Variants in LINGO1 observed in about 807,000 individuals in gnomAD.
LINGO1 encodes the protein leucine-rich repeat and immunoglobulin-like domain-containing nogo receptor-interacting protein 1.
LINGO1 carries 11 observed loss-of-function variants against 37.3 expected under a neutral mutation model. The ratio of observed to expected loss-of-function variants is 0.29; its 90% CI spans 0.19 to 0.49. The LOEUF is 0.49. Ranked by LOEUF, LINGO1 falls within the 20% of genes least tolerant of loss-of-function variation. The probability of loss-of-function intolerance (pLI) is 0.99; values close to 1 mark genes in which losing one functional copy is unlikely to be tolerated. For synonymous variants in LINGO1, 387 were observed against 403.0 expected, an observed-to-expected ratio of 0.96 and a Z score of 0.48; for missense variants, 585 against 878.2, an observed-to-expected ratio of 0.67 and a Z score of 4.22.
intron 2 of LINGO1, among the ~76,000 whole-genome samples, chr15:77,717,683 G>A (rs1035530126): frequency 8.6e-5 from 13 of 150,838 alleles, no homozygotes; most frequent in African/African-American, 3.1e-4. Flanking sequence ...AGACAGCCTC[G>A]GGAGCCTGGG....
chr15:77,755,084 G>A (rs913507830), intron 1 of LINGO1, among the ~76,000 whole-genome samples: 1 of 152,194 alleles, frequency 6.6e-6, no homozygotes, highest in African/African-American at 2.4e-5. Context: ...CTCCCTTGAG[G>A]CCAAGGCCCT....
At chr15:77,645,004 T>C (rs925235764) in intron 3 of LINGO1, among the ~76,000 whole-genome samples, 1 of 152,126 alleles carries the variant, frequency 6.6e-6, no homozygotes, top group African/African-American at 2.4e-5. Context: ...TCAGACACAG[T>C]GTGTTCACAC....
intron 1 of LINGO1, among the ~76,000 whole-genome samples, chr15:77,742,875 T>C (rs2076278267): frequency 6.6e-6 from 1 of 152,196 alleles, no homozygotes; most frequent in Non-Finnish European, 1.5e-5. Context: ...AGCAGCTAGG[T>C]GTGGACCAGC....
rs1305178777 is a variant in LINGO1 at position 77,712,553 on chromosome 15, C to T, written c.-194-21652G>A. On this transcript the variant is annotated intron_variant, in intron 2 of 3. Transcript: ENST00000561686. ...GCCCTCTGTGAGCTTGAATCCCAAA[C>T]CTGCAGCAATTCCAGCACTGCCCAG... 2.0e-5 allele frequency among the ~76,000 whole-genome samples: 3 copies of T among 152,322 alleles called. No individual in the cohort carries two copies. The East Asian group carries it at 5.8e-4, about 29-fold the overall frequency.
chr15:77,804,156 T>G (rs1259567032), intron 1 of LINGO1, among the ~76,000 whole-genome samples: 1 of 152,054 alleles, frequency 6.6e-6, no homozygotes, highest in African/African-American at 2.4e-5. Context: ...AAACTGGCTA[T>G]GATGATTCAC....
chr15:77,772,322 T>G (rs8035460), intron 1 of LINGO1, among the ~76,000 whole-genome samples: 55,843 of 152,168 alleles, frequency 0.37, 10,508 homozygotes, highest in South Asian at 0.48. Context: ...CCACCAACCC[T>G]TAAAATTCCA....
At chr15:77,769,377 C>T (rs2076561201) in intron 1 of LINGO1, among the ~76,000 whole-genome samples, 1 of 152,198 alleles carries the variant, frequency 6.6e-6, no homozygotes, top group Non-Finnish European at 1.5e-5. Context: ...CAAGTCCTGC[C>T]AAGGTCCCCC....
At chr15:77,659,624 C>T (rs2074943930) in intron 3 of LINGO1, among the ~76,000 whole-genome samples, 1 of 152,124 alleles carries the variant, frequency 6.6e-6, no homozygotes, top group Non-Finnish European at 1.5e-5. Context: ...GTTCAGAGTC[C>T]CTGGGCTCCT....
intron 3 of LINGO1, among the ~76,000 whole-genome samples, chr15:77,640,942 T>A (rs531211537): frequency 8.5e-5 from 13 of 152,270 alleles, no homozygotes; most frequent in African/African-American, 3.1e-4. Context: ...CCTAGTGTGA[T>A]CCAGGCTGAG....
rs1323715912 is a variant in LINGO1, at chr15:77,673,774, A to T, written c.-13+3315T>A. Reference sequence around the variant, plus strand: ...CCTGTCCCCTGGACTCCAGTCACATACATCCACCTGTCAACTCCATGGTTC... The same window carrying T: ...CCTGTCCCCTGGACTCCAGTCACATTCATCCACCTGTCAACTCCATGGTTC... On this transcript the variant is annotated intron_variant, in intron 3 of 3. Coordinates refer to the LINGO1 transcript ENST00000559893. Among the ~76,000 whole-genome samples the T allele has an allele frequency of 2.0e-5, 3 of 152,026 alleles. No homozygotes were observed. The East Asian group carries it at 5.8e-4, about 29-fold the overall frequency.
At chr15:77,770,587 C>CAAAAAA (rs71145861) in intron 1 of LINGO1, among the ~76,000 whole-genome samples, 9 of 79,324 alleles carry the variant, frequency 1.1e-4, no homozygotes, top group Non-Finnish European at 1.6e-4. Context: ...GACTCTGTCT[C>CAAAAAA]AAAAAAAAAA....
At chr15:77,797,740 A>C (rs1168788175) in intron 1 of LINGO1, among the ~76,000 whole-genome samples, 1 of 152,190 alleles carries the variant, frequency 6.6e-6, no homozygotes, top group African/African-American at 2.4e-5. Flanking sequence ...GGGCATTCAC[A>C]AGGCCTTCCA....
chr15:77,740,790 A>C (rs978248541), intron 1 of LINGO1, among the ~76,000 whole-genome samples: 2 of 152,166 alleles, frequency 1.3e-5, no homozygotes, highest in Non-Finnish European at 2.9e-5. Context: ...TGGGCACCTA[A>C]AGACCGAGGC....
rs1332650126 is a variant in LINGO1 at position 77,705,204 on chromosome 15, C to CACACACACACACACACACACACACACA, written c.-194-14304_-194-14303insTGTGTGTGTGTGTGTGTGTGTGTGTGT. ...ACACACACACACACACACACACACA[C>CACACACACACACACACACACACACACA]ACCAGTCCACTTCCAGCACCCTGGA... On this transcript the variant is annotated intron_variant, in intron 2 of 3. Transcript: ENST00000561686. Among the ~76,000 whole-genome samples the CACACACACACACACACACACACACACA allele has an allele frequency of 1.0e-4, 15 of 150,312 alleles. 1 individual carries two copies. Among genetic ancestry groups the CACACACACACACACACACACACACACA allele is most frequent in the African/African-American group, 2.5e-4 (10 of 40,130 alleles).
chr15:77,812,127 C>A, intron 1 of LINGO1, among the ~76,000 whole-genome samples: 1 of 152,324 alleles, frequency 6.6e-6, no homozygotes, highest in Middle Eastern at 3.4e-3. Context: ...GCCCTAGCTG[C>A]ACATTTAAAA....
At chr15:77,798,132 C>T (rs1156268730) in intron 1 of LINGO1, among the ~76,000 whole-genome samples, 1 of 152,188 alleles carries the variant, frequency 6.6e-6, no homozygotes, top group Non-Finnish European at 1.5e-5. Context: ...GGGTGCATCT[C>T]CCACTGGTTG....
chr15:77,782,344 G>A (rs1411297537), intron 1 of LINGO1, among the ~76,000 whole-genome samples: 1 of 152,084 alleles, frequency 6.6e-6, no homozygotes, highest in Non-Finnish European at 1.5e-5. Flanking sequence ...TCAGGGTCTT[G>A]CTTTCTCCGC....
At position 77,613,977 on chromosome 15, in the gene LINGO1, G is replaced by C. The variant is rs2073593518; in HGVS notation, c.*67C>G. 2 of 1,275,748 alleles carry C rather than the reference G, an allele frequency of 1.6e-6. No homozygotes were observed. The highest frequency in any genetic ancestry group is 1.4e-5 in the South Asian group (1 of 71,304). 79.0% of individuals were successfully genotyped at this position (1,275,748 alleles called of 1,614,324 possible). ...GAGGAGGTGGGAAGGACTGGAGAGT[G>C]AGCAGGTGGCGGCCAGGCCCCTTCC... is the stretch of plus-strand genomic sequence containing the variant. On this transcript the variant is annotated 3_prime_UTR_variant, in exon 2 of 2. Coordinates refer to ENST00000355300, the MANE Select transcript of LINGO1 (RefSeq NM_032808.7).
At chr15:77,741,665 T>C (rs1367379014) in intron 1 of LINGO1, among the ~76,000 whole-genome samples, 2 of 152,150 alleles carry the variant, frequency 1.3e-5, no homozygotes, top group Non-Finnish European at 2.9e-5. Context: ...GACCTTGTGG[T>C]TCCGCAGACA....
Sources: allele counts gnomAD v4.1 joint callset (sites outside exome capture counted in the v4.1 genomes callset), GRCh38; gene constraint gnomAD v4.1.1; transcripts MANE v1.5; gene names NCBI Gene and HGNC (gene_info 2026-07-23, HGNC 2026-07-21).